RBFOX1: variants seen among roughly 807,000 people sequenced by gnomAD.
The protein encoded by RBFOX1 is RNA binding protein fox-1 homolog 1.
Under a neutral mutation model 57.7 loss-of-function variants are expected in RBFOX1, and 8 were observed. The ratio of observed to expected loss-of-function variants is 0.14; its 90% CI spans 0.08 to 0.25. The LOEUF (loss-of-function observed/expected upper bound fraction) is 0.25, where lower values mean the gene tolerates loss of function less well. RBFOX1 is among the 10% of genes least tolerant of loss of function. The pLI, the probability that RBFOX1 is intolerant of heterozygous loss-of-function variation, is 1.00. For missense variants in RBFOX1, 611 were observed against 548.5 expected, an observed-to-expected ratio of 1.11 and a Z score of -1.14; for synonymous variants, 326 against 222.4, an observed-to-expected ratio of 1.47 and a Z score of -4.15.
At chr16:6,389,757 G>A (rs1388115675) in intron 2 of RBFOX1, among the ~76,000 whole-genome samples, 1 of 152,220 alleles carries the variant, frequency 6.6e-6, no homozygotes, top group Non-Finnish European at 1.5e-5. Flanking sequence ...ATGGGCCAGA[G>A]AGGTTCAGGG....
chr16:6,416,287 TTTA>T (rs1463521473), intron 2 of RBFOX1, among the ~76,000 whole-genome samples: 1 of 152,212 alleles, frequency 6.6e-6, no homozygotes, highest in East Asian at 1.9e-4. Flanking sequence ...GGCGCTTGAT[TTTA>T]TTAAGCCGGT....
At chr16:6,195,914 G>A (rs898906219) in intron 1 of RBFOX1, among the ~76,000 whole-genome samples, 1 of 152,030 alleles carries the variant, frequency 6.6e-6, no homozygotes. Context: ...AGAGATAAAC[G>A]GGCTTGAGAA....
chr16:5,614,762 C>A (rs563568519), intron 3 of RBFOX1, among the ~76,000 whole-genome samples: 1 of 152,272 alleles, frequency 6.6e-6, no homozygotes, highest in African/African-American at 2.4e-5. Flanking sequence ...ATGCGAGATG[C>A]TATGGGTGAG....
chr16:6,241,684 C>A (rs1172722985), intron 1 of RBFOX1, among the ~76,000 whole-genome samples: 1 of 152,156 alleles, frequency 6.6e-6, no homozygotes, highest in African/African-American at 2.4e-5. Context: ...AACACTGATA[C>A]TGAGGAAATA....
At chr16:6,452,202 TCTTCCTTCCATGACTCCACCCATGGCTC>T (rs1348689359) in intron 2 of RBFOX1, among the ~76,000 whole-genome samples, 9 of 121,924 alleles carry the variant, frequency 7.4e-5, no homozygotes, top group African/African-American at 2.6e-4. Flanking sequence ...ACCCATGGCT[TCTTCCTTCCATGACTCCACCCATGGCTC>T]CTTCCTTCCA....
intron 1 of RBFOX1, among the ~76,000 whole-genome samples, chr16:5,320,624 T>G (rs2064376046): frequency 6.6e-6 from 1 of 152,258 alleles, no homozygotes; most frequent in South Asian, 2.1e-4. Context: ...CATGCTTTTG[T>G]TCTGAATCTC....
chr16:7,126,328 C>T (rs986402156), intron 4 of RBFOX1: 4 of 293,496 alleles, frequency 1.4e-5, no homozygotes, highest in African/African-American at 6.8e-5. Flanking sequence ...GGGGCAGCAC[C>T]CGCAGGTCTA....
chr16:5,331,274 C>G (rs2064748744), intron 1 of RBFOX1, among the ~76,000 whole-genome samples: 1 of 152,230 alleles, frequency 6.6e-6, no homozygotes, highest in South Asian at 2.1e-4. Context: ...TGTCATGTAT[C>G]TCACGTGCTT....
chr16:6,837,382 G>T (rs1230592334), intron 3 of RBFOX1, among the ~76,000 whole-genome samples: 2 of 152,196 alleles, frequency 1.3e-5, no homozygotes, highest in Non-Finnish European at 2.9e-5. Flanking sequence ...TCTCCGCAAT[G>T]GTAGTGACTT....
At chr16:5,344,446 A>C (rs1567361928) in intron 1 of RBFOX1, among the ~76,000 whole-genome samples, 1 of 152,112 alleles carries the variant, frequency 6.6e-6, no homozygotes, top group Non-Finnish European at 1.5e-5. Context: ...ATTGAATTAC[A>C]CTCACTGGAT....
chr16:6,827,706 C>T (rs1457251551), intron 3 of RBFOX1, among the ~76,000 whole-genome samples: 1 of 152,150 alleles, frequency 6.6e-6, no homozygotes, highest in Non-Finnish European at 1.5e-5. Flanking sequence ...TCTCTCCGTC[C>T]CATGGTTGTT....
At chr16:7,693,961 C>G (rs1329089214) in intron 14 of RBFOX1, among the ~76,000 whole-genome samples, 1 of 152,128 alleles carries the variant, frequency 6.6e-6, no homozygotes, top group Non-Finnish European at 1.5e-5. Flanking sequence ...GGTTTTGAAA[C>G]CAGGACATTG....
At chr16:7,263,008 G>T (rs899417843) in intron 4 of RBFOX1, among the ~76,000 whole-genome samples, 1 of 152,210 alleles carries the variant, frequency 6.6e-6, no homozygotes, top group Non-Finnish European at 1.5e-5. Flanking sequence ...AAAGGAGTTT[G>T]TGCAGACTTC....
chr16:7,307,615 C>T (rs991616142), intron 4 of RBFOX1, among the ~76,000 whole-genome samples: 8 of 152,136 alleles, frequency 5.3e-5, no homozygotes, highest in African/African-American at 1.7e-4. Context: ...CTTTTTTCCT[C>T]CACATCCAAG....
At chr16:7,014,353 C>G (rs901639141) in intron 3 of RBFOX1, among the ~76,000 whole-genome samples, 1 of 152,122 alleles carries the variant, frequency 6.6e-6, no homozygotes, top group Non-Finnish European at 1.5e-5. Flanking sequence ...GCCAGGATTA[C>G]AGTCATGCAT....
At chr16:6,365,900 G>T (rs989610093) in intron 2 of RBFOX1, among the ~76,000 whole-genome samples, 3 of 152,106 alleles carry the variant, frequency 2.0e-5, no homozygotes, top group Admixed American at 1.3e-4. Context: ...AGAGCATTTT[G>T]ATTAATGGGA....
At chr16:7,129,028 C>T (rs1345846251) in intron 4 of RBFOX1, among the ~76,000 whole-genome samples, 4 of 151,828 alleles carry the variant, frequency 2.6e-5, no homozygotes, top group African/African-American at 9.7e-5. Context: ...ACCATGTTGG[C>T]CAGGATGGTC....
chr16:7,569,503 C>G (rs55933401), intron 5 of RBFOX1, among the ~76,000 whole-genome samples: 2,465 of 152,310 alleles, frequency 0.016, 30 homozygotes, highest in South Asian at 0.041. Flanking sequence ...TTTCACTTCT[C>G]AGGACCCTGG....
chr16:6,653,774 A>C (rs1023930585), intron 2 of RBFOX1, among the ~76,000 whole-genome samples: 18 of 151,192 alleles, frequency 1.2e-4, no homozygotes, highest in Non-Finnish European at 2.2e-4. Context: ...GGGTGGATGG[A>C]TGGATAGGTG....
Sources: gnomAD v4.1 joint callset for allele counts (sites outside exome capture counted in the v4.1 genomes callset) on GRCh38, gnomAD v4.1.1 for gene constraint, MANE v1.5 for transcripts, NCBI Gene and HGNC (gene_info 2026-07-23, HGNC 2026-07-21) for gene names.